NBAS: variants seen among roughly 807,000 people sequenced by gnomAD.
NBAS encodes NBAS subunit of NRZ tethering complex.
Under a neutral mutation model 302.5 loss-of-function variants are expected in NBAS, and 219 were observed. The observed-to-expected ratio is 0.72, with a 90% CI of 0.65 to 0.81. NBAS has a LOEUF of 0.81. NBAS is among the 30% of genes least tolerant of loss of function. The pLI is 0.00. For synonymous variants in NBAS, 1,118 were observed against 1,021.6 expected (o/e 1.09, Z -1.80); for missense variants, 2,932 against 2,841.6 (o/e 1.03, Z -0.72).
the NBAS span, among the ~76,000 whole-genome samples, chr2:14,940,382 C>T: frequency 1.3e-5 from 2 of 152,140 alleles, no homozygotes; most frequent in African/African-American, 4.8e-5. Context: ...CATGTCTGTT[C>T]CCCCTTCCCC....
Position 15,252,525 on chromosome 2 carries a change from A to T in NBAS, c.5725-13839T>A, listed in dbSNP as rs187994182. ...AAAATAAATAAATAAAAAATAAAAT[A>T]AAAATTAAAAAAAAAAGAACATAGC... On this transcript the variant is annotated intron_variant, in intron 44 of 51. Coordinates refer to ENST00000281513, the MANE Select transcript of NBAS (RefSeq NM_015909.4). 2.2e-3 allele frequency among the ~76,000 whole-genome samples: 339 copies of T among 151,966 alleles called. 4 individuals carry two copies. Among genetic ancestry groups the T allele is most frequent in the Admixed American group, 4.2e-3 (64 of 15,272 alleles).
intron 47 of NBAS, among the ~76,000 whole-genome samples, chr2:15,220,290 C>T (rs1050956178): frequency 6.6e-6 from 1 of 152,218 alleles, no homozygotes; most frequent in East Asian, 1.9e-4. Flanking sequence ...GACGGGGCGG[C>T]TATATATCTG....
At chr2:15,012,042 A>G in the NBAS span, among the ~76,000 whole-genome samples, 1 of 152,226 alleles carries the variant, frequency 6.6e-6, no homozygotes, top group Non-Finnish European at 1.5e-5. Context: ...CTCCAAAGGA[A>G]CATAATAATT....
At chr2:14,923,292 A>G in the NBAS span, among the ~76,000 whole-genome samples, 7 of 152,298 alleles carry the variant, frequency 4.6e-5, no homozygotes, top group East Asian at 1.3e-3. Context: ...ATAACTAGTC[A>G]ATTTCTTTTA....
chr2:14,783,051 C>G, the NBAS span, among the ~76,000 whole-genome samples: 1 of 151,968 alleles, frequency 6.6e-6, no homozygotes, highest in African/African-American at 2.4e-5. Flanking sequence ...TACAACAAAC[C>G]CTTGTGAGAA....
At chr2:15,062,404 G>A in the NBAS span, among the ~76,000 whole-genome samples, 2 of 152,290 alleles carry the variant, frequency 1.3e-5, no homozygotes, top group African/African-American at 2.4e-5. Flanking sequence ...CTAGAGGAAG[G>A]ATATTTTAAA....
chr2:15,220,856 T>A (rs75457032), intron 47 of NBAS, among the ~76,000 whole-genome samples: 153 of 152,154 alleles, frequency 1.0e-3, no homozygotes, highest in African/African-American at 3.5e-3. Flanking sequence ...AGATTACAAG[T>A]CTTTTTTTTT....
chr2:14,998,099 T>C, the NBAS span, among the ~76,000 whole-genome samples: 1 of 152,176 alleles, frequency 6.6e-6, no homozygotes, highest in East Asian at 1.9e-4. Flanking sequence ...AACTAAACAG[T>C]ATAAACTCAA....
At chr2:15,318,536 A>C (rs1671629230) in intron 38 of NBAS, among the ~76,000 whole-genome samples, 1 of 152,186 alleles carries the variant, frequency 6.6e-6, no homozygotes. Flanking sequence ...GCCTCAAAAT[A>C]AAGGGATGAA....
chr2:15,123,748 G>T, the NBAS span, among the ~76,000 whole-genome samples: 1 of 152,144 alleles, frequency 6.6e-6, no homozygotes, highest in Admixed American at 6.5e-5. Context: ...GCAGATCCCA[G>T]CACCCTGTTT....
chr2:15,261,967 C>A (rs890451118), intron 44 of NBAS, among the ~76,000 whole-genome samples: 1 of 152,176 alleles, frequency 6.6e-6, no homozygotes, highest in Non-Finnish European at 1.5e-5. Flanking sequence ...TATCCTAACA[C>A]TTCAAACTAC....
intron 47 of NBAS, among the ~76,000 whole-genome samples, chr2:15,226,045 T>C (rs1667139053): frequency 6.6e-6 from 1 of 152,220 alleles, no homozygotes; most frequent in African/African-American, 2.4e-5. Context: ...TAATAAGATC[T>C]CCAGGCAATT....
intron 6 of NBAS, among the ~76,000 whole-genome samples, chr2:15,545,733 A>T (rs990902638): frequency 1.3e-5 from 2 of 152,252 alleles, no homozygotes; most frequent in Non-Finnish European, 2.9e-5. Context: ...AAATAATTCA[A>T]TTCTACACAA....
At chr2:15,446,056 T>C (rs920001879) in intron 21 of NBAS, among the ~76,000 whole-genome samples, 3 of 151,296 alleles carry the variant, frequency 2.0e-5, no homozygotes, top group African/African-American at 7.3e-5. Context: ...TATGATCACA[T>C]GGTCAACATA....
In NBAS at chr2:15,352,041, CCTT is replaced by C; in HGVS notation, c.4127_4129del (p.Glu1376del). On this transcript the variant is annotated inframe_deletion, in exon 35 of 52. Transcript: ENST00000281513. ...TGGTGAAGCACTGATATTTTCCCCTCCTTCATGATGGATCTGGAAATTCACTCT... is the reference window on the plus strand; with the variant it reads ...TGGTGAAGCACTGATATTTTCCCCTCCATGATGGATCTGGAAATTCACTCT... 2 of 1,612,168 alleles carry C rather than the reference CCTT, an allele frequency of 1.2e-6. No homozygotes were observed. Among genetic ancestry groups the C allele is most frequent in the Non-Finnish European group, 1.7e-6 (2 of 1,178,370 alleles).
intron 12 of NBAS, among the ~76,000 whole-genome samples, chr2:15,478,769 T>C (rs544790094): frequency 6.6e-6 from 1 of 152,174 alleles, no homozygotes; most frequent in Non-Finnish European, 1.5e-5. Flanking sequence ...AAAAAAAATA[T>C]AACCATGCAG....
At chr2:15,239,399 G>GTATATA (rs374042921) in intron 44 of NBAS, among the ~76,000 whole-genome samples, 3,334 of 133,940 alleles carry the variant, frequency 0.025, 102 homozygotes, top group East Asian at 0.14. Flanking sequence ...GTGTGTGTGT[G>GTATATA]TGTATATATA....
intron 47 of NBAS, among the ~76,000 whole-genome samples, chr2:15,221,061 T>A (rs914350643): frequency 3.3e-5 from 5 of 152,242 alleles, no homozygotes; most frequent in Admixed American, 2.0e-4. Context: ...TTGTTAATTT[T>A]ACCTATAAGA....
At chr2:15,097,963 T>G in the NBAS span, among the ~76,000 whole-genome samples, 220 of 108,308 alleles carry the variant, frequency 2.0e-3, no homozygotes, top group Non-Finnish European at 3.1e-3. Context: ...ATAATATATA[T>G]ATTATATTGT....
Sources: allele counts gnomAD v4.1 joint callset (sites outside exome capture counted in the v4.1 genomes callset), GRCh38; gene constraint gnomAD v4.1.1; transcripts MANE v1.5; gene names NCBI Gene and HGNC (gene_info 2026-07-23, HGNC 2026-07-21).